Variants in EPB41L5 observed in about 807,000 individuals in gnomAD.
EPB41L5 encodes the protein band 4.1-like protein 5.
A neutral mutation model predicts 106.6 loss-of-function variants in EPB41L5; 55 were observed. The observed-to-expected ratio is 0.52, with a 90% CI of 0.42 to 0.65. The LOEUF (loss-of-function observed/expected upper bound fraction) is 0.65. EPB41L5 is among the 30% of genes least tolerant of loss of function. The pLI is 0.00. For missense variants in EPB41L5, 871 were observed against 882.1 expected, an observed-to-expected ratio of 0.99 and a Z score of 0.16; for synonymous variants, 297 against 306.7, an observed-to-expected ratio of 0.97 and a Z score of 0.33.
chr2:120,169,548 G>T (rs1687574529), intron 24 of EPB41L5, among the ~76,000 whole-genome samples: 1 of 152,114 alleles, frequency 6.6e-6, no homozygotes, highest in African/African-American at 2.4e-5. Context: ...TATGGAAGGG[G>T]AAGCCACAGA....
In EPB41L5 at chr2:120,100,880, TAATCTTA is replaced by T. The variant is rs1490338735; in HGVS notation, c.1337+69_1337+75del. ...TAATTGTATTTGGAATTCCAAGTCA[TAATCTTA>T]AAGTACTTTAAATATGATTGAAAGC... On this transcript the variant is annotated intron_variant, in intron 16 of 24. Transcript: ENST00000263713. 11 of 1,121,366 alleles carry T rather than the reference TAATCTTA, an allele frequency of 9.8e-6. No individual in the cohort carries two copies. In the East Asian group the frequency reaches 2.9e-4, roughly 29 times the overall value. The allele number at this position is 1,121,366 out of a possible 1,614,324, so 69.5% of individuals were successfully genotyped here.
intron 16 of EPB41L5, among the ~76,000 whole-genome samples, chr2:120,114,968 T>C (rs1684883507): frequency 6.6e-6 from 1 of 152,242 alleles, no homozygotes; most frequent in Non-Finnish European, 1.5e-5. Flanking sequence ...ATGTTTATAA[T>C]TGTAATATTT....
chr2:120,050,305 C>T (rs1680141346), intron 3 of EPB41L5, among the ~76,000 whole-genome samples: 2 of 152,216 alleles, frequency 1.3e-5, no homozygotes, highest in African/African-American at 2.4e-5. Flanking sequence ...GTACACCAAT[C>T]AGACATAGAT....
At chr2:120,139,557 G>T (rs1350631552) in intron 18 of EPB41L5, among the ~76,000 whole-genome samples, 1 of 151,904 alleles carries the variant, frequency 6.6e-6, no homozygotes, top group African/African-American at 2.4e-5. Flanking sequence ...CATACAAATG[G>T]CAAACAAGTT....
chr2:120,050,882 G>A (rs150017452), intron 3 of EPB41L5, among the ~76,000 whole-genome samples: 1 of 152,202 alleles, frequency 6.6e-6, no homozygotes, highest in Admixed American at 6.5e-5. Context: ...TAACAGTCAG[G>A]TCCCTCAGCT....
intron 10 of EPB41L5, among the ~76,000 whole-genome samples, chr2:120,083,234 G>A (rs1682811168): frequency 6.6e-6 from 1 of 152,032 alleles, no homozygotes; most frequent in Non-Finnish European, 1.5e-5. Flanking sequence ...TTTCTCTTGT[G>A]GACATTTAGT....
chr2:120,074,196 A>C lies in EPB41L5; in HGVS notation c.407+18A>C. 6.3e-7 allele frequency: 1 copy of C among 1,578,184 alleles called. No individual in the cohort carries two copies. The highest frequency in any genetic ancestry group is 8.7e-7 in the Non-Finnish European group (1 of 1,151,698). On this transcript the variant is annotated intron_variant, in intron 5 of 24. Transcript: ENST00000263713. ...CTAACCCGGTAAGAACACCATCTAG[A>C]ATTGTGCCAGGGTTATTTTGATAGT...
intron 2 of EPB41L5, among the ~76,000 whole-genome samples, chr2:120,032,747 G>A (rs1352858238): frequency 2.0e-5 from 3 of 152,244 alleles, no homozygotes; most frequent in South Asian, 2.1e-4. Context: ...CCTTTAATAC[G>A]TGAGGCAGAA....
intron 3 of EPB41L5, among the ~76,000 whole-genome samples, chr2:120,051,011 C>T (rs902261181): frequency 1.3e-5 from 2 of 152,182 alleles, no homozygotes; most frequent in African/African-American, 2.4e-5. Flanking sequence ...CTGATCGTTC[C>T]TCTGGAAGCT....
chr2:120,058,522 G>A lies in EPB41L5; in HGVS notation c.286-14656G>A, dbSNP rs529176677. On this transcript the variant is annotated intron_variant, in intron 3 of 24. Transcript: ENST00000263713. The stretch of plus-strand genomic sequence containing the variant: ...ATAGAGACAGAGAAATATAGATAGC[G>A]TGATGATAAATCATAGCTGATATCC... Among the ~76,000 whole-genome samples, 19 of 152,258 alleles carry A rather than the reference G, an allele frequency of 1.2e-4. No homozygotes were observed. The East Asian group carries it at 1.5e-3, about 12-fold the overall frequency.
Position 120,047,320 on chromosome 2 carries a change from G to T in EPB41L5, c.285+5210G>T, listed in dbSNP as rs537960409. ...ATGGAATGTTCCTCCATTTGTTTGT[G>T]TCCTCTTTTATTTTGTTGAGCAGTG... On this transcript the variant is annotated intron_variant, in intron 3 of 24. Coordinates refer to ENST00000263713, the MANE Select transcript of EPB41L5 (RefSeq NM_020909.4). 1.2e-4 allele frequency among the ~76,000 whole-genome samples: 18 copies of T among 152,150 alleles called. No homozygotes were observed. In the South Asian group the frequency reaches 2.1e-3, roughly 18 times the overall value.
At chr2:120,134,058 C>G (rs1004112051) in intron 18 of EPB41L5, among the ~76,000 whole-genome samples, 4 of 151,996 alleles carry the variant, frequency 2.6e-5, no homozygotes, top group African/African-American at 9.7e-5. Flanking sequence ...CAGGATCTGT[C>G]ACCTGCTGAC....
At chr2:120,047,644 A>C (rs1679889767) in intron 3 of EPB41L5, among the ~76,000 whole-genome samples, 1 of 152,124 alleles carries the variant, frequency 6.6e-6, no homozygotes, top group South Asian at 2.1e-4. Flanking sequence ...CTAATTGAAT[A>C]GCCTTTATTT....
At chr2:120,172,094 T>G (rs1283231813) in intron 24 of EPB41L5, among the ~76,000 whole-genome samples, 1 of 150,638 alleles carries the variant, frequency 6.6e-6, no homozygotes, top group Non-Finnish European at 1.5e-5. Context: ...AAAGATAAAA[T>G]TGAGACAATC....
At chr2:120,104,622 A>G (rs1294618751) in intron 16 of EPB41L5, 1 of 989,012 alleles carries the variant, frequency 1.0e-6, no homozygotes, top group African/African-American at 1.7e-5. Context: ...AGAATCAGAC[A>G]CACTAAAAAC....
intron 19 of EPB41L5, 104 bp downstream of exon 19, chr2:120,143,235 C>A: frequency 1.6e-6 from 2 of 1,248,708 alleles, no homozygotes; most frequent in Non-Finnish European, 2.2e-6. Context: ...ATTAATGGTG[C>A]AGTCAGGGAG....
intron 11 of EPB41L5, among the ~76,000 whole-genome samples, chr2:120,089,447 A>G (rs796615692): frequency 4.6e-5 from 7 of 152,232 alleles, no homozygotes; most frequent in African/African-American, 1.4e-4. Context: ...AAACTTGCAT[A>G]ATTATATATA....
At chr2:120,076,888 A>G (rs1014996999) in intron 7 of EPB41L5, 83 bp from the exon 8 acceptor site, 2 of 1,254,424 alleles carry the variant, frequency 1.6e-6, no homozygotes, top group Non-Finnish European at 2.2e-6. Flanking sequence ...GAATCTTTCT[A>G]ATCTTAGCAG....
chr2:120,058,972 AAGAC>A (rs1680847508), intron 3 of EPB41L5, among the ~76,000 whole-genome samples: 1 of 152,212 alleles, frequency 6.6e-6, no homozygotes, highest in Non-Finnish European at 1.5e-5. Context: ...TTTATATGGA[AAGAC>A]AGAGGACTAC....
Sources: gnomAD v4.1 joint callset for allele counts (sites outside exome capture counted in the v4.1 genomes callset) on GRCh38, gnomAD v4.1.1 for gene constraint, MANE v1.5 for transcripts, NCBI Gene and HGNC (gene_info 2026-07-23, HGNC 2026-07-21) for gene names.